Variants in DCDC2 observed in about 807,000 individuals in gnomAD.
DCDC2 encodes doublecortin domain-containing protein 2.
A neutral mutation model predicts 50.2 loss-of-function variants in DCDC2; 40 were observed. That is an observed-to-expected ratio of 0.80 (90% CI 0.62 to 1.04). DCDC2 has a LOEUF of 1.04. Among genes scored for constraint, DCDC2 ranks in the 50% least tolerant of loss-of-function variants. The pLI is 0.00. For synonymous variants in DCDC2, 234 were observed against 210.6 expected (o/e 1.11, Z -0.96); for missense variants, 570 against 581.9 (o/e 0.98, Z 0.21).
the DCDC2 span, among the ~76,000 whole-genome samples, chr6:24,374,195 G>A: frequency 6.6e-6 from 1 of 151,158 alleles, no homozygotes; most frequent in African/African-American, 2.4e-5. Context: ...AGAGGAAGAA[G>A]GGGAGAAGAG....
chr6:24,192,928 A>C (rs573221602), intron 8 of DCDC2, among the ~76,000 whole-genome samples: 1 of 152,254 alleles, frequency 6.6e-6, no homozygotes, highest in African/African-American at 2.4e-5. Flanking sequence ...AATAAGCAAA[A>C]AGGCCCATAC....
chr6:24,258,040 G>T lies in DCDC2; in HGVS notation c.922+20009C>A, dbSNP rs571941413. On this transcript the variant is annotated intron_variant, in intron 7 of 9. Transcript: ENST00000378454. ...ACGGAGGGGATTAGAAAGGAATCAG[G>T]CATGGACTGCTAACCTCCTGAAGTA... is the stretch of plus-strand genomic sequence containing the variant. 8.5e-5 allele frequency among the ~76,000 whole-genome samples: 13 copies of T among 152,246 alleles called. No individual in the cohort carries two copies. In the South Asian group the frequency reaches 2.7e-3, roughly 32 times the overall value.
intron 7 of DCDC2, among the ~76,000 whole-genome samples, chr6:24,276,211 G>A (rs1763354313): frequency 6.6e-6 from 1 of 151,900 alleles, no homozygotes; most frequent in Non-Finnish European, 1.5e-5. Context: ...TATGAACAAG[G>A]GATATGTTAA....
chr6:24,220,744 G>A (rs1261752779), intron 7 of DCDC2, among the ~76,000 whole-genome samples: 1 of 152,156 alleles, frequency 6.6e-6, no homozygotes, highest in African/African-American at 2.4e-5. Context: ...TTATAAAGAA[G>A]AAAAGAGGTT....
chr6:24,180,323 C>T (rs949631758), intron 8 of DCDC2, among the ~76,000 whole-genome samples: 18 of 151,856 alleles, frequency 1.2e-4, no homozygotes, highest in Admixed American at 8.5e-4. Context: ...CTTGCTCTGT[C>T]GCCCTGGCTG....
intron 2 of DCDC2, chr6:24,353,279 A>AG (rs1760405234): frequency 2.0e-6 from 1 of 498,128 alleles, no homozygotes; most frequent in African/African-American, 1.9e-5. Context: ...TTCTCACTTG[A>AG]CAGGGAACCT....
intron 9 of DCDC2, among the ~76,000 whole-genome samples, chr6:24,175,078 T>C (rs746867470): frequency 6.7e-6 from 1 of 148,640 alleles, no homozygotes; most frequent in Non-Finnish European, 1.5e-5. Context: ...CCCTGACTCA[T>C]TTTGTATGCT....
intron 2 of DCDC2, among the ~76,000 whole-genome samples, chr6:24,322,256 T>C (rs1759785294): frequency 6.6e-6 from 1 of 152,218 alleles, no homozygotes; most frequent in Non-Finnish European, 1.5e-5. Flanking sequence ...CAAATTCCTA[T>C]CTAAGGGGTC....
chr6:24,185,714 CACACACACACACAT>C (rs1409438991), intron 8 of DCDC2, among the ~76,000 whole-genome samples: 47 of 140,782 alleles, frequency 3.3e-4, no homozygotes, highest in South Asian at 2.9e-3. Context: ...CACACACACA[CACACACACACACAT>C]ATACACACAG....
chr6:24,254,191 T>C (rs1245332800), intron 7 of DCDC2, among the ~76,000 whole-genome samples: 1 of 152,184 alleles, frequency 6.6e-6, no homozygotes, highest in African/African-American at 2.4e-5. Flanking sequence ...TCTCCTATGA[T>C]AATAATGCCC....
At chr6:24,227,206 C>T (rs2113780172) in intron 7 of DCDC2, among the ~76,000 whole-genome samples, 1 of 152,268 alleles carries the variant, frequency 6.6e-6, no homozygotes, top group Non-Finnish European at 1.5e-5. Flanking sequence ...CATTAAATAA[C>T]AGAGGTGCCT....
In DCDC2 at chr6:24,354,604, A is replaced by T. The variant is rs1760431933; in HGVS notation, c.294-981T>A. On this transcript the variant is annotated intron_variant, in intron 1 of 9. Coordinates refer to ENST00000378454, the MANE Select transcript of DCDC2 (RefSeq NM_016356.5). ...TAAAACAGTGCAAACACTCCGTCTT[A>T]GCAATAAAATGGGTCTTTTGTGGAC... Among the ~76,000 whole-genome samples the T allele has an allele frequency of 2.0e-5, 3 of 152,174 alleles. No individual in the cohort carries two copies. The South Asian group carries it at 6.2e-4, about 31-fold the overall frequency.
At chr6:24,181,804 TA>T (rs1761078963) in intron 8 of DCDC2, among the ~76,000 whole-genome samples, 1 of 152,122 alleles carries the variant, frequency 6.6e-6, no homozygotes, top group African/African-American at 2.4e-5. Flanking sequence ...TTTACGGAAA[TA>T]GAAAAACCCA....
chr6:24,375,489 GTA>G, the DCDC2 span, among the ~76,000 whole-genome samples: 1 of 151,826 alleles, frequency 6.6e-6, no homozygotes, highest in Non-Finnish European at 1.5e-5. Flanking sequence ...TAGGAGATAC[GTA>G]TATATATATA....
At chr6:24,186,695 G>C (rs542571734) in intron 8 of DCDC2, among the ~76,000 whole-genome samples, 1 of 152,176 alleles carries the variant, frequency 6.6e-6, no homozygotes, top group East Asian at 1.9e-4. Flanking sequence ...TGTTTCTTAC[G>C]GACTCAAACT....
intron 8 of DCDC2, among the ~76,000 whole-genome samples, chr6:24,180,860 CTA>C (rs1296980454): frequency 6.6e-6 from 1 of 151,926 alleles, no homozygotes; most frequent in African/African-American, 2.4e-5. Context: ...GGGGACAAGA[CTA>C]AAAGTTCAGA....
At chr6:24,364,681 A>G in the DCDC2 span, among the ~76,000 whole-genome samples, 1 of 152,184 alleles carries the variant, frequency 6.6e-6, no homozygotes, top group Admixed American at 6.5e-5. Context: ...AAATTAACCT[A>G]AAACTTCAAA....
chr6:24,210,239 T>G (rs1170431535), intron 7 of DCDC2, among the ~76,000 whole-genome samples: 1 of 152,186 alleles, frequency 6.6e-6, no homozygotes, highest in Non-Finnish European at 1.5e-5. Context: ...TAATCTCATT[T>G]GAGTACCATC....
chr6:24,295,558 T>C (rs963643102), intron 4 of DCDC2, among the ~76,000 whole-genome samples: 20 of 152,170 alleles, frequency 1.3e-4, no homozygotes, highest in African/African-American at 4.6e-4. Context: ...GACATGATTC[T>C]ATATCTAGAA....
Sources: allele counts gnomAD v4.1 joint callset (sites outside exome capture counted in the v4.1 genomes callset), GRCh38; gene constraint gnomAD v4.1.1; transcripts MANE v1.5; gene names NCBI Gene and HGNC (gene_info 2026-07-23, HGNC 2026-07-21).